Variants in NID2 observed in about 807,000 individuals in gnomAD.
NID2 encodes the protein nidogen 2, also known as nidogen-2.
NID2 carries 83 observed loss-of-function variants against 145.4 expected under a neutral mutation model. The observed-to-expected ratio is 0.57, with a 90% confidence interval of 0.48 to 0.69. NID2 has a LOEUF of 0.69. Ranked by LOEUF, NID2 falls within the 30% of genes least tolerant of loss-of-function variation. NID2 has a pLI of 0.00. For missense variants in NID2, 1,807 were observed against 1,765.7 expected (o/e 1.02, Z -0.42); for synonymous variants, 739 against 701.3 (o/e 1.05, Z -0.85).
chr14:52,068,892 C>T lies in NID2; in HGVS notation c.103G>A (p.Glu35Lys). 3.1e-6 allele frequency: 5 copies of T among 1,614,088 alleles called. No individual in the cohort carries two copies. Among genetic ancestry groups the T allele is most frequent in the Non-Finnish European group, 4.2e-6 (5 of 1,180,044 alleles). ...MLRAAALHPD[E>K]LFPHGESWGD... is the part of the protein sequence containing the mutation. Reference sequence around the variant, plus strand: ...CACGACTCCCCGTGTGGGAAGAGCTCGTCTGGGTGCAGCGCCGCGGCCCGC... The same window carrying T: ...CACGACTCCCCGTGTGGGAAGAGCTTGTCTGGGTGCAGCGCCGCGGCCCGC... Residue 35 changes from glutamate (E) to lysine (K), a missense_variant, in exon 1 of 22, where the codon GAG (glutamate) becomes AAG (lysine). By Grantham distance (56) the Glu-to-Lys change is moderately conservative. Transcript: ENST00000216286.
intron 8 of NID2, among the ~76,000 whole-genome samples, chr14:52,040,411 ATTGATT>A (rs1892236234): frequency 6.6e-6 from 1 of 152,156 alleles, no homozygotes; most frequent in African/African-American, 2.4e-5. Context: ...CAATGTTGCT[ATTGATT>A]TTATTATTTG....
chr14:52,060,617 A>C (rs982765885), intron 2 of NID2, among the ~76,000 whole-genome samples: 1 of 152,244 alleles, frequency 6.6e-6, no homozygotes, highest in Admixed American at 6.5e-5. Context: ...TGAAATACGC[A>C]TTGGTAAAAC....
At position 52,043,344 on chromosome 14, in the gene NID2, G is replaced by A. The variant is rs530604381; in HGVS notation, c.1430-413C>T. Reference sequence around the variant, plus strand: ...AGACATAATAGAGAAGCTAACAAATGTCTTATGTCTAACCATCCTTCTTTT... The same window carrying A: ...AGACATAATAGAGAAGCTAACAAATATCTTATGTCTAACCATCCTTCTTTT... On this transcript the variant is annotated intron_variant, in intron 5 of 21. Transcript: ENST00000216286. Among the ~76,000 whole-genome samples, 3 of 152,270 alleles carry A rather than the reference G, an allele frequency of 2.0e-5. No homozygotes were observed. In the South Asian group the frequency reaches 6.2e-4, roughly 32 times the overall value.
At position 52,020,042 on chromosome 14, in the gene NID2, G is replaced by C; in HGVS notation, c.2794+17C>G. ...GCTAAGAGATTCATGTGCCTAATCT[G>C]GCCCTCTGAAACTTACCAGGTATGC... On this transcript the variant is annotated intron_variant, in intron 13 of 21. Coordinates refer to ENST00000216286, the MANE Select transcript of NID2 (RefSeq NM_007361.4). 1 of 1,613,226 alleles carries C rather than the reference G, an allele frequency of 6.2e-7. No individual in the cohort carries two copies.
At position 52,019,297 on chromosome 14, in the gene NID2, T is replaced by C. The variant is rs777080977; in HGVS notation, c.2795-3A>G. 7.0e-6 allele frequency: 11 copies of C among 1,576,980 alleles called. No individual in the cohort carries two copies. Among genetic ancestry groups the C allele is most frequent in the South Asian group, 2.3e-5 (2 of 87,848 alleles). On this transcript the variant is annotated splice_polypyrimidine_tract_variant and splice_region_variant and intron_variant, in intron 13 of 21. Transcript: ENST00000216286. The stretch of plus-strand genomic sequence containing the variant: ...GGGTGTCAGGCTTGAGGTGGAGTCT[T>C]CCAGGATCAAGGCAGAGGAAGACAC...
chr14:52,005,451 TTGTAAACTCCAAGTCTTCCTTTACATTAC>T lies in NID2; in HGVS notation c.*6_*34del. Reference sequence around the variant, plus strand: ...CTGTTCTTTAGGGTCCAGGTTCTGATTGTAAACTCCAAGTCTTCCTTTACATTACTGTACTTACTTTCTTCCTGTGAGAG... The same window carrying T: ...CTGTTCTTTAGGGTCCAGGTTCTGATTGTACTTACTTTCTTCCTGTGAGAG... On this transcript the variant is annotated 3_prime_UTR_variant, in exon 22 of 22. Transcript: ENST00000216286. 1 of 1,564,892 alleles carries T rather than the reference TTGTAAACTCCAAGTCTTCCTTTACATTAC, an allele frequency of 6.4e-7. No individual in the cohort carries two copies. Among genetic ancestry groups the T allele is most frequent in the South Asian group, 1.2e-5 (1 of 80,700 alleles).
intron 15 of NID2, 45 bp from the exon 16 acceptor site, chr14:52,014,501 G>T (rs554453791): frequency 6.4e-7 from 1 of 1,554,704 alleles, no homozygotes; most frequent in African/African-American, 1.4e-5. Flanking sequence ...ACAAGGGCAG[G>T]CAGGGAGATG....
At chr14:52,049,663 A>G (rs146072535) in intron 5 of NID2, among the ~76,000 whole-genome samples, 163 of 151,884 alleles carry the variant, frequency 1.1e-3, no homozygotes, top group African/African-American at 3.5e-3. Context: ...GAAAAACCAT[A>G]TCCAACTTTA....
chr14:52,051,083 A>G (rs1346608328), intron 5 of NID2, among the ~76,000 whole-genome samples: 1 of 152,218 alleles, frequency 6.6e-6, no homozygotes, highest in Non-Finnish European at 1.5e-5. Context: ...GTGGCCTAGG[A>G]AGACAGAGCT....
Position 52,054,339 on chromosome 14 carries a change from A to G in NID2, c.768-18T>C. 1 of 1,596,340 alleles carries G rather than the reference A, an allele frequency of 6.3e-7. No homozygotes were observed. Among genetic ancestry groups the G allele is most frequent in the Non-Finnish European group, 8.5e-7 (1 of 1,169,604 alleles). On this transcript the variant is annotated intron_variant, in intron 3 of 21. Transcript: ENST00000216286. ...TGCTTAGTCTAAATAAAAAGGAAAC[A>G]GTCATTGTAACAAATGTAACAAAAG...
At chr14:52,006,770 C>T in intron 19 of NID2, 110 bp from the exon 20 acceptor site, 1 of 1,188,040 alleles carries the variant, frequency 8.4e-7, no homozygotes, top group South Asian at 1.4e-5. Context: ...TATTTTACTT[C>T]CATTACAGTC....
chr14:52,060,114 T>C lies in NID2; in HGVS notation c.767+10A>G. The C allele has an allele frequency of 6.3e-7, 1 of 1,580,440 alleles. No homozygotes were observed. The highest frequency in any genetic ancestry group is 8.7e-7 in the Non-Finnish European group (1 of 1,152,750). On this transcript the variant is annotated intron_variant, in intron 3 of 21. Coordinates refer to ENST00000216286, the MANE Select transcript of NID2 (RefSeq NM_007361.4). ...CAAATAGGAAAGGGCTTCAGCTCAA[T>C]GTTACTTACTGATAGAGATTTTTCA...
chr14:52,030,547 A>AGAACGGAAGGAAGG (rs776643752), intron 9 of NID2, among the ~76,000 whole-genome samples: 15 of 62,546 alleles, frequency 2.4e-4, no homozygotes, highest in African/African-American at 8.0e-4. Context: ...AAAGAAAGAA[A>AGAACGGAAGGAAGG]GAAAGAAAGA....
intron 11 of NID2, 57 bp from the exon 12 acceptor site, chr14:52,027,401 C>A (rs1891628434): frequency 1.4e-6 from 2 of 1,424,146 alleles, no homozygotes; most frequent in Middle Eastern, 1.9e-4. Context: ...GGATGAGCCT[C>A]ACTCCTCATG....
chr14:52,067,982 G>A lies in NID2; in HGVS notation c.410C>T (p.Ala137Val). The change falls in exon 2 of 22, where the codon GCC (alanine) becomes GTC (valine). Residue 137 changes from alanine to valine, a missense_variant. Ala to Val is a moderately conservative substitution (Grantham distance 64). Transcript: ENST00000216286. The stretch of plus-strand genomic sequence containing the variant: ...CGGGAAGCCAGCGCGCACATAGCGG[G>A]CGGCCAGGCCCAGCACTGCGGGGGA... Reference protein sequence around the residue: ...DTSPAVLGLAARYVRAGFPRS... With the variant: ...DTSPAVLGLAVRYVRAGFPRS... The A allele has an allele frequency of 6.2e-7, 1 of 1,611,202 alleles. No individual in the cohort carries two copies. The highest frequency in any genetic ancestry group is 2.2e-5 in the East Asian group (1 of 44,844).
At chr14:52,019,006 T>G (rs1283712504) in intron 14 of NID2, 55 bp downstream of exon 14, 2 of 1,401,980 alleles carry the variant, frequency 1.4e-6, no homozygotes, top group Non-Finnish European at 1.0e-6. Flanking sequence ...GCAGGAATTA[T>G]GATCTACCTA....
intron 5 of NID2, among the ~76,000 whole-genome samples, chr14:52,051,767 T>C (rs2173145): frequency 0.8 from 122,458 of 152,206 alleles, 50,367 homozygotes; most frequent in Non-Finnish European, 0.9. Flanking sequence ...GATTTCTTCC[T>C]CCAAAATGCG....
chr14:52,006,528 G>C lies in NID2; in HGVS notation c.4004+9C>G, dbSNP rs1334848607. 12 of 1,613,090 alleles carry C rather than the reference G, an allele frequency of 7.4e-6. No homozygotes were observed. The highest frequency in any genetic ancestry group is 1.3e-5 in the African/African-American group (1 of 74,872). On this transcript the variant is annotated intron_variant, in intron 20 of 21. Transcript: ENST00000216286. Reference sequence around the variant, plus strand: ...CTTTTCAGGCTTGTCCAGAATTTGTGGGGCTCACCTCCTCCAGTCTGTGTG... The same window carrying C: ...CTTTTCAGGCTTGTCCAGAATTTGTCGGGCTCACCTCCTCCAGTCTGTGTG...
In NID2 at chr14:52,054,422, C is replaced by T. The variant is rs564890471; in HGVS notation, c.768-101G>A. On this transcript the variant is annotated intron_variant, in intron 3 of 21. Transcript: ENST00000216286. ...AACTTATTTTAAAACGGAAAGACAG[C>T]TGGGCATGGTGGCTCACACTTATAA... 137 of 1,207,194 alleles carry T rather than the reference C, an allele frequency of 1.1e-4. 1 individual carries two copies. The South Asian group carries it at 2.0e-3, about 17-fold the overall frequency. The allele number at this position is 1,207,194 out of a possible 1,614,324, so 74.8% of individuals were successfully genotyped here. A position where few individuals can be genotyped will look rare whatever the true frequency, so the allele number is the denominator to read the frequency against.
Sources: gnomAD v4.1 joint callset for allele counts (sites outside exome capture counted in the v4.1 genomes callset) on GRCh38, gnomAD v4.1.1 for gene constraint, MANE v1.5 for transcripts, NCBI Gene and HGNC (gene_info 2026-07-23, HGNC 2026-07-21) for gene names.